The following SPTBN1 variants were observed in gnomAD, a reference collection of about 807,000 sequenced individuals.
The protein encoded by SPTBN1 is spectrin beta, non-erythrocytic 1, also known as spectrin beta chain, non-erythrocytic 1.
A neutral mutation model predicts 266.4 loss-of-function variants in SPTBN1; 32 were observed. The observed-to-expected ratio is 0.12, with a 90% CI of 0.09 to 0.16. The LOEUF is 0.16. Ranked by LOEUF, SPTBN1 falls within the 10% of genes least tolerant of loss-of-function variation. The probability of loss-of-function intolerance (pLI) is 1.00; values close to 1 mark genes in which losing one functional copy is unlikely to be tolerated. For missense variants in SPTBN1, 2,296 were observed against 3,067.1 expected (o/e 0.75, Z 5.94); for synonymous variants, 1,336 against 1,162.2 (o/e 1.15, Z -3.04).
At chr2:54,476,526 G>A (rs1479833806) in intron 1 of SPTBN1, among the ~76,000 whole-genome samples, 1 of 152,200 alleles carries the variant, frequency 6.6e-6, no homozygotes, top group Non-Finnish European at 1.5e-5. Context: ...TTTAGTGAAG[G>A]TCGTCTCCGA....
intron 2 of SPTBN1, chr2:54,546,443 C>T (rs1475215248): frequency 1.3e-5 from 2 of 152,200 alleles, no homozygotes; most frequent in Non-Finnish European, 2.9e-5. Context: ...CATACACACA[C>T]TCCTAAGTTG....
intron 1 of SPTBN1, among the ~76,000 whole-genome samples, chr2:54,496,632 C>T (rs753460401): frequency 1.4e-4 from 21 of 152,146 alleles, no homozygotes; most frequent in Non-Finnish European, 2.4e-4. Context: ...ATGTTAGTAA[C>T]TTACCCAAAT....
At chr2:54,563,318 T>C (rs1673443882) in intron 2 of SPTBN1, among the ~76,000 whole-genome samples, 1 of 152,142 alleles carries the variant, frequency 6.6e-6, no homozygotes, top group Non-Finnish European at 1.5e-5. Context: ...TCTGTCTGCT[T>C]TGCAGCCAGA....
At chr2:54,486,255 A>G (rs1668379505) in intron 1 of SPTBN1, among the ~76,000 whole-genome samples, 1 of 152,094 alleles carries the variant, frequency 6.6e-6, no homozygotes, top group Non-Finnish European at 1.5e-5. Flanking sequence ...CCAGGATGAC[A>G]ATGGCGGTTT....
At chr2:54,462,054 A>T (rs1693394587) in intron 1 of SPTBN1, among the ~76,000 whole-genome samples, 1 of 152,242 alleles carries the variant, frequency 6.6e-6, no homozygotes, top group Admixed American at 6.5e-5. Context: ...TACTAGCCTT[A>T]TGGCTACCAC....
At chr2:54,482,773 A>G (rs973130247) in intron 1 of SPTBN1, among the ~76,000 whole-genome samples, 4 of 152,228 alleles carry the variant, frequency 2.6e-5, no homozygotes, top group Non-Finnish European at 4.4e-5. Context: ...TAGGGTGTCA[A>G]CAAAACATGG....
At chr2:54,465,096 T>G (rs1693560594) in intron 1 of SPTBN1, among the ~76,000 whole-genome samples, 1 of 152,216 alleles carries the variant, frequency 6.6e-6, no homozygotes, top group African/African-American at 2.4e-5. Flanking sequence ...AGATCATTAT[T>G]AAGAAATAGT....
chr2:54,649,864 T>C lies in SPTBN1; in HGVS notation c.5452T>C (p.Phe1818Leu). The C allele has an allele frequency of 3.1e-6, 5 of 1,614,224 alleles. No homozygotes were observed. Among genetic ancestry groups the C allele is most frequent in the Non-Finnish European group, 4.2e-6 (5 of 1,180,048 alleles). Residue 1818 changes from phenylalanine (F) to leucine (L), a missense_variant, in exon 26 of 36, where the codon TTT (phenylalanine) becomes CTT (leucine). Transcript: ENST00000356805. The surrounding 1 kb of genome is among the most constrained non-coding windows in gnomAD (Gnocchi z 6.7). ...HKFYHDAKEI[F>L]GRIQDKHKKL... ...GTTTTACCACGATGCCAAGGAGATC[T>C]TTGGGCGTATACAGGACAAACACAA...
chr2:54,508,588 T>C (rs144110124), intron 1 of SPTBN1, among the ~76,000 whole-genome samples: 1 of 152,226 alleles, frequency 6.6e-6, no homozygotes, highest in African/African-American at 2.4e-5. Context: ...AAATGACGAA[T>C]AGAATGGGCC....
At chr2:54,504,966 A>T (rs1669477088) in intron 1 of SPTBN1, among the ~76,000 whole-genome samples, 1 of 152,188 alleles carries the variant, frequency 6.6e-6, no homozygotes, top group African/African-American at 2.4e-5. Context: ...AAACGTGTAT[A>T]AATGTTTGTA....
rs1679785485 is a variant in SPTBN1, at chr2:54,644,373, G to A, written c.4056G>A (p.Lys1352=). The A allele has an allele frequency of 1.9e-6, 3 of 1,614,034 alleles. No individual in the cohort carries two copies. Among genetic ancestry groups the A allele is most frequent in the Non-Finnish European group, 2.5e-6 (3 of 1,179,884 alleles). The change falls in exon 20 of 36, where the codon AAG becomes AAA. Residue 1352 remains lysine, a synonymous_variant. Coordinates refer to ENST00000356805, the MANE Select transcript of SPTBN1 (RefSeq NM_003128.3). The part of the protein sequence containing the change: ...SEKPETEAVV[K]EKLTGLHKMW... ...AGCCTGAGACGGAAGCTGTGGTGAA[G>A]GAGAAACTCACTGGTTTACATAAAA... is the stretch of plus-strand genomic sequence containing the variant.
chr2:54,616,437 T>A lies in SPTBN1; in HGVS notation c.566+139T>A, dbSNP rs145524958. Reference sequence around the variant, plus strand: ...CTTGTTAACTCGCAAGCAGTTGATATGACTTTTCAATTAGCTCTCAGAATG... The same window carrying A: ...CTTGTTAACTCGCAAGCAGTTGATAAGACTTTTCAATTAGCTCTCAGAATG... On this transcript the variant is annotated intron_variant, in intron 5 of 35. Coordinates refer to ENST00000356805, the MANE Select transcript of SPTBN1 (RefSeq NM_003128.3). 1.9e-3 allele frequency: 1,153 copies of A among 601,208 alleles called. 31 individuals carry two copies. In the South Asian group the frequency reaches 0.035, roughly 18 times the overall value. 37.2% of individuals were successfully genotyped at this position (601,208 alleles called of 1,614,324 possible).
intron 1 of SPTBN1, among the ~76,000 whole-genome samples, chr2:54,511,426 T>G (rs953157793): frequency 1.3e-5 from 2 of 152,204 alleles, no homozygotes; most frequent in African/African-American, 2.4e-5. Flanking sequence ...AGTAATAGAA[T>G]AGTGGTCTCC....
rs1219825703 is a variant in SPTBN1, at chr2:54,647,114, T to A, written c.4867-17T>A. 6 of 1,614,042 alleles carry A rather than the reference T, an allele frequency of 3.7e-6. No homozygotes were observed. In the Admixed American group the frequency reaches 8.3e-5, roughly 22 times the overall value. On this transcript the variant is annotated splice_polypyrimidine_tract_variant and intron_variant, in intron 23 of 35. Transcript: ENST00000356805. ...AGAGGGGACCGCTATGGTTGTGATG[T>A]TCTCCTGTCTTTGCAGGATGAGCAG...
intron 2 of SPTBN1, among the ~76,000 whole-genome samples, chr2:54,594,087 T>C (rs1675878583): frequency 6.6e-6 from 1 of 152,112 alleles, no homozygotes; most frequent in Non-Finnish European, 1.5e-5. Context: ...CACCTCGGCC[T>C]CCCAAAGCTG....
intron 32 of SPTBN1, chr2:54,661,417 CTT>C (rs1186861361): frequency 1.0e-6 from 1 of 985,652 alleles, no homozygotes; most frequent in African/African-American, 1.7e-5. Flanking sequence ...TCTGATTTGT[CTT>C]TTTATTTCAT....
chr2:54,665,071 T>C (rs1681284527), intron 33 of SPTBN1, among the ~76,000 whole-genome samples: 1 of 152,232 alleles, frequency 6.6e-6, no homozygotes. Flanking sequence ...TCAGCCTTTA[T>C]ATATATTCAT....
rs145849404 is a variant in SPTBN1 at position 54,525,611 on chromosome 2, T to C, written c.-47-761T>C. 7.0e-3 allele frequency among the ~76,000 whole-genome samples: 1,060 copies of C among 152,378 alleles called. 7 individuals are homozygous for C. The highest frequency in any genetic ancestry group is 0.011 in the Non-Finnish European group (767 of 68,042). ...ATAAAATGATCTGCTAGTTCTCTTA[T>C]ATAACATTTTATGAATTTCCAGGAG... On this transcript the variant is annotated intron_variant, in intron 1 of 35. Coordinates refer to ENST00000356805, the MANE Select transcript of SPTBN1 (RefSeq NM_003128.3).
chr2:54,530,612 C>T (rs1671175701), intron 2 of SPTBN1, among the ~76,000 whole-genome samples: 1 of 152,078 alleles, frequency 6.6e-6, no homozygotes, highest in Non-Finnish European at 1.5e-5. Context: ...CCGCCTCGGC[C>T]TCCCAAAGTG....
Sources: gnomAD v4.1 joint callset for allele counts (sites outside exome capture counted in the v4.1 genomes callset) on GRCh38, gnomAD v4.1.1 for gene constraint, Gnocchi (gnomAD v3.1) non-coding constraint, MANE v1.5 for transcripts, NCBI Gene and HGNC (gene_info 2026-07-23, HGNC 2026-07-21) for gene names.